The following NOTCH3 variants were observed in gnomAD, a reference collection of about 807,000 sequenced individuals.
NOTCH3 encodes the protein notch receptor 3, also known as neurogenic locus notch homolog protein 3.
Under a neutral mutation model 213.3 loss-of-function variants are expected in NOTCH3, and 86 were observed. The observed-to-expected ratio is 0.40, with a 90% CI of 0.34 to 0.48. The LOEUF (loss-of-function observed/expected upper bound fraction) is 0.48, where lower values mean the gene tolerates loss of function less well. Among genes scored for constraint, NOTCH3 ranks in the 20% least tolerant of loss-of-function variants. The probability of loss-of-function intolerance (pLI) is 0.57; values close to 1 mark genes in which losing one functional copy is unlikely to be tolerated. For missense variants in NOTCH3, 2,783 were observed against 3,272.6 expected, an observed-to-expected ratio of 0.85 and a Z score of 3.65; for synonymous variants, 1,354 against 1,355.9, an observed-to-expected ratio of 1.00 and a Z score of 0.03.
In NOTCH3 at chr19:15,165,985, G is replaced by C. The variant is rs762395470; in HGVS notation, c.5469C>G (p.Asp1823Glu). Residue 1823 changes from aspartate (D) to glutamate (E), a missense_variant, in exon 30 of 33, where the codon GAC (aspartate) becomes GAG (glutamate). Coordinates refer to ENST00000263388, the MANE Select transcript of NOTCH3 (RefSeq NM_000435.3). This position sits in a 1 kb window ranked among gnomAD's most constrained non-coding sequence, Gnocchi z 4.7. ...ADDTSASIIS[D>E]LICQGAQLGA... Reference sequence around the variant, plus strand: ...CAAGCTGAGCCCCCTGGCAGATCAGGTCGGAGATGATGCTAGCTGATGTGT... The same window carrying C: ...CAAGCTGAGCCCCCTGGCAGATCAGCTCGGAGATGATGCTAGCTGATGTGT... 1 of 1,614,194 alleles carries C rather than the reference G, an allele frequency of 6.2e-7. No individual in the cohort carries two copies. Among genetic ancestry groups the C allele is most frequent in the Admixed American group, 1.7e-5 (1 of 60,024 alleles).
rs748776589 is a variant in NOTCH3, at chr19:15,161,024, C to T, written c.6604G>A (p.Val2202Ile). The change falls in exon 33 of 33, where the codon GTC (valine) becomes ATC (isoleucine). Residue 2202 changes from valine (V) to isoleucine (I), a missense_variant. Val to Ile is a conservative substitution (Grantham distance 29). This residue lies in a region of NOTCH3 where 441 missense variants were observed against 432.1 expected (regional missense o/e 1.02). Transcript: ENST00000263388. The part of the protein sequence containing the change: ...GPQLLNPGTP[V>I]SPQERPPPYL... Reference sequence around the variant, plus strand: ...GGCGGGGGCCGCTCCTGCGGGGAGACGGGGGTCCCTGGGTTGAGCAGCTGG... The same window carrying T: ...GGCGGGGGCCGCTCCTGCGGGGAGATGGGGGTCCCTGGGTTGAGCAGCTGG... 2.3e-5 allele frequency: 35 copies of T among 1,536,638 alleles called. No homozygotes were observed. Among genetic ancestry groups the T allele is most frequent in the Middle Eastern group, 1.7e-4 (1 of 5,730 alleles).
intron 1 of NOTCH3, among the ~76,000 whole-genome samples, chr19:15,198,517 G>A (rs375197271): frequency 3.3e-5 from 5 of 152,320 alleles, no homozygotes; most frequent in South Asian, 2.1e-4. Context: ...TTGGGAGGCC[G>A]AGGCTGGTGG....
At position 15,180,977 on chromosome 19, in the gene NOTCH3, G is replaced by A. The variant is rs371278091; in HGVS notation, c.2978C>T (p.Thr993Met). 29 of 1,594,796 alleles carry A rather than the reference G, an allele frequency of 1.8e-5. No individual in the cohort carries two copies. Among genetic ancestry groups the A allele is most frequent in the Non-Finnish European group, 2.3e-5 (27 of 1,171,658 alleles). ...TCCACCCACCTGGCACTGCGGGCCC[G>A]TGAAGCTCTCGAGGCAGGTGCAGCG... ...GFRCTCLESF[T>M]GPQCQTLVDW... is the part of the protein sequence containing the mutation. The change falls in exon 18 of 33, where the codon ACG (threonine) becomes ATG (methionine). Residue 993 changes from threonine (T) to methionine (M), a missense_variant. Coordinates refer to ENST00000263388, the MANE Select transcript of NOTCH3 (RefSeq NM_000435.3).
At chr19:15,197,462 AC>A in intron 2 of NOTCH3, 37 bp downstream of exon 2, 1 of 623,586 alleles carries the variant, frequency 1.6e-6, no homozygotes, top group Non-Finnish European at 2.8e-6. Context: ...CCGCCCCCAC[AC>A]ACAGGGCCCA....
rs143143121 is a variant in NOTCH3 at position 15,198,627 on chromosome 19, T to G, written c.119-1049A>C. On this transcript the variant is annotated intron_variant, in intron 1 of 32. Coordinates refer to ENST00000263388, the MANE Select transcript of NOTCH3 (RefSeq NM_000435.3). ...TTAGCTGGGCATGGTAGCAGGTGCCTGTAATCCTAGCTACTCAGGAGGCTG... is the reference window on the plus strand; with the variant it reads ...TTAGCTGGGCATGGTAGCAGGTGCCGGTAATCCTAGCTACTCAGGAGGCTG... 3.0e-3 allele frequency among the ~76,000 whole-genome samples: 454 copies of G among 152,254 alleles called. 1 individual carries two copies. The highest frequency in any genetic ancestry group is 0.01 in the African/African-American group (422 of 41,552).
chr19:15,200,771 A>C lies in NOTCH3; in HGVS notation c.118+17T>G. The C allele has an allele frequency of 5.4e-6, 7 of 1,286,692 alleles. No individual in the cohort carries two copies. Among genetic ancestry groups the C allele is most frequent in the Non-Finnish European group, 6.9e-6 (7 of 1,012,024 alleles). The allele number at this position is 1,286,692 out of a possible 1,614,324, so 79.7% of individuals were successfully genotyped here. A position where few individuals can be genotyped will look rare whatever the true frequency, so the allele number is the denominator to read the frequency against. ...CTCTGCCGCCCTCGTCCCATCCGCC[A>C]GGTCCCGGCCCCTCACCTGCAGCCC... On this transcript the variant is annotated intron_variant, in intron 1 of 32. Transcript: ENST00000263388.
At chr19:15,171,316 G>A (rs1409174514) in intron 25 of NOTCH3, among the ~76,000 whole-genome samples, 1 of 151,528 alleles carries the variant, frequency 6.6e-6, no homozygotes, top group Non-Finnish European at 1.5e-5. Flanking sequence ...GGCGTGAGCC[G>A]CCACTGTGCC....
chr19:15,197,647 C>CCCCT lies in NOTCH3; in HGVS notation c.119-73_119-70dup. The CCCCT allele has an allele frequency of 6.5e-6, 9 of 1,378,620 alleles. No individual in the cohort carries two copies. The South Asian group carries it at 1.1e-4, about 17-fold the overall frequency. 85.4% of individuals were successfully genotyped at this position (1,378,620 alleles called of 1,614,324 possible). ...GGAACCCCAGGCCCAAGTGACAAACCCCCTCCCTCCCTCCACCAGGCAACA... is the reference window on the plus strand; with the variant it reads ...GGAACCCCAGGCCCAAGTGACAAACCCCCTCCCTCCCTCCCTCCACCAGGCAACA... On this transcript the variant is annotated intron_variant, in intron 1 of 32. Transcript: ENST00000263388.
chr19:15,192,581 C>T, intron 2 of NOTCH3, 62 bp from the exon 3 acceptor site: 2 of 1,540,396 alleles, frequency 1.3e-6, no homozygotes, highest in Non-Finnish European at 1.7e-6. Context: ...CACAAAGATA[C>T]ACACAAGACA....
chr19:15,189,523 T>C (rs2046911895), intron 6 of NOTCH3, 95 bp from the exon 7 acceptor site: 4 of 1,508,392 alleles, frequency 2.7e-6, no homozygotes, highest in Non-Finnish European at 3.7e-6. Context: ...GTTGTTGTTT[T>C]GTTTTGTTTT....
Position 15,192,406 on chromosome 19 carries a change from A to T in NOTCH3, c.311T>A (p.Phe104Tyr), listed in dbSNP as rs2145443107. Residue 104 changes from phenylalanine to tyrosine, a missense_variant, in exon 3 of 33, where the codon TTC becomes TAC. Around this residue, in one of 6 missense-constraint regions of NOTCH3, gnomAD observed 708 missense variants for 906.6 expected, o/e 0.78. Coordinates refer to ENST00000263388, the MANE Select transcript of NOTCH3 (RefSeq NM_000435.3). ...GAAGCCACGGGGGCACCGGCATGAG[A>T]ATCGGGCGGTGCCAGCCACCACTGA... ...QSSVVAGTARFSCRCPRGFRG... is the reference protein window; with the variant it reads ...QSSVVAGTARYSCRCPRGFRG... 6.2e-7 allele frequency: 1 copy of T among 1,612,516 alleles called. No individual in the cohort carries two copies. The highest frequency in any genetic ancestry group is 8.5e-7 in the Non-Finnish European group (1 of 1,179,906).
Position 15,185,087 on chromosome 19 carries a change from C to A in NOTCH3, c.2297-68G>T. 1.6e-6 allele frequency: 2 copies of A among 1,228,634 alleles called. No individual in the cohort carries two copies. The highest frequency in any genetic ancestry group is 2.3e-6 in the Non-Finnish European group (2 of 877,508). 76.1% of individuals were successfully genotyped at this position (1,228,634 alleles called of 1,614,324 possible). On this transcript the variant is annotated intron_variant, in intron 14 of 32. Coordinates refer to ENST00000263388, the MANE Select transcript of NOTCH3 (RefSeq NM_000435.3). The surrounding 1 kb of genome is among the most constrained non-coding windows in gnomAD (Gnocchi z 4.2). ...GACTCCCTGATCCCATCTCCCCCCA[C>A]CTCCCCCAACCCCAGGGTCCCCACC...
intron 25 of NOTCH3, among the ~76,000 whole-genome samples, chr19:15,171,212 G>A (rs1187953900): frequency 6.6e-6 from 1 of 152,020 alleles, no homozygotes; most frequent in African/African-American, 2.4e-5. Flanking sequence ...ATTTTTAGTA[G>A]AGACGGGGTT....
At chr19:15,169,949 G>A in intron 28 of NOTCH3, 137 bp downstream of exon 28, 2 of 639,202 alleles carry the variant, frequency 3.1e-6, no homozygotes, top group Admixed American at 4.8e-5. Flanking sequence ...TGCAAAGCTG[G>A]GACTATTCTC....
At chr19:15,198,443 GAGA>G (rs2046986399) in intron 1 of NOTCH3, among the ~76,000 whole-genome samples, 1 of 152,286 alleles carries the variant, frequency 6.6e-6, no homozygotes, top group South Asian at 2.1e-4. Flanking sequence ...GGAGAAGACA[GAGA>G]AGGACAGAAA....
intron 16 of NOTCH3, among the ~76,000 whole-genome samples, chr19:15,182,736 G>A (rs569084298): frequency 1.5e-3 from 225 of 151,876 alleles, no homozygotes; most frequent in Non-Finnish European, 2.3e-3. Context: ...TCCGCCTCCC[G>A]GGTTCAAGTG....
intron 25 of NOTCH3, 30 bp downstream of exon 25, chr19:15,174,038 A>G (rs2046765393): frequency 6.6e-7 from 1 of 1,526,668 alleles, no homozygotes; most frequent in African/African-American, 1.4e-5. Context: ...CTCCCCAGCC[A>G]CCACGGCTTT....
intron 1 of NOTCH3, among the ~76,000 whole-genome samples, chr19:15,198,319 G>A (rs2046985458): frequency 6.6e-6 from 1 of 152,242 alleles, no homozygotes; most frequent in African/African-American, 2.4e-5. Flanking sequence ...ATCAGGTGTG[G>A]GGACACAGTG....
chr19:15,165,311 C>A lies in NOTCH3; in HGVS notation c.5815+57G>T. On this transcript the variant is annotated intron_variant, in intron 31 of 32. Coordinates refer to ENST00000263388, the MANE Select transcript of NOTCH3 (RefSeq NM_000435.3). The surrounding 1 kb of genome is among the most constrained non-coding windows in gnomAD (Gnocchi z 4.7). ...TGGGTATGAATTTGCACCAACATGA[C>A]CCTCAGGGCCCAGGTGACACCAACC... 2.6e-6 allele frequency: 4 copies of A among 1,566,088 alleles called. No individual in the cohort carries two copies. Among genetic ancestry groups the A allele is most frequent in the Non-Finnish European group, 3.5e-6 (4 of 1,149,038 alleles).
Sources: gnomAD v4.1 joint callset for allele counts (sites outside exome capture counted in the v4.1 genomes callset) on GRCh38, gnomAD v4.1.1 for gene constraint, gnomAD v4.1.1 regional missense constraint, Gnocchi (gnomAD v3.1) non-coding constraint, MANE v1.5 for transcripts, NCBI Gene and HGNC (gene_info 2026-07-23, HGNC 2026-07-21) for gene names.